UPB1: variants seen among roughly 807,000 people sequenced by gnomAD.
UPB1 encodes beta-ureidopropionase.
Under a neutral mutation model 49.1 loss-of-function variants are expected in UPB1, and 40 were observed. The observed-to-expected ratio is 0.81, with a 90% CI of 0.63 to 1.06. UPB1 has a LOEUF of 1.06. UPB1 is among the 50% of genes least tolerant of loss of function. The pLI is 0.00. For missense variants in UPB1, 499 were observed against 505.9 expected (o/e 0.99, Z 0.13); for synonymous variants, 207 against 198.2 (o/e 1.04, Z -0.38).
chr22:24,500,684 G>A (rs1442874625), intron 2 of UPB1, among the ~76,000 whole-genome samples: 2 of 152,240 alleles, frequency 1.3e-5, no homozygotes, highest in Non-Finnish European at 2.9e-5. Flanking sequence ...TCCTCAGGGC[G>A]GGGACTCGCT....
chr22:24,495,604 G>T, intron 1 of UPB1, 97 bp downstream of exon 1: 1 of 1,361,044 alleles, frequency 7.3e-7, no homozygotes, highest in Non-Finnish European at 1.0e-6. Context: ...GAAGGGCTCA[G>T]GGGAGGCGGT....
intron 4 of UPB1, among the ~76,000 whole-genome samples, chr22:24,512,987 A>G (rs1256875196): frequency 4.6e-5 from 7 of 152,218 alleles, no homozygotes; most frequent in Non-Finnish European, 5.9e-5. Context: ...TGCAATGAAT[A>G]TGCGTTTGCA....
intron 3 of UPB1, among the ~76,000 whole-genome samples, chr22:24,507,832 AC>A (rs2044117696): frequency 6.6e-6 from 1 of 152,016 alleles, no homozygotes; most frequent in Non-Finnish European, 1.5e-5. Context: ...ATGGCAGCTC[AC>A]GTTTGCATAT....
At chr22:24,502,564 C>T (rs2044013508) in intron 3 of UPB1, 1 of 772,584 alleles carries the variant, frequency 1.3e-6, no homozygotes, top group South Asian at 1.3e-5. Context: ...GATCTCAGCC[C>T]AGAGCCAGCC....
chr22:24,507,088 C>T (rs1021894480), intron 3 of UPB1, among the ~76,000 whole-genome samples: 1 of 152,234 alleles, frequency 6.6e-6, no homozygotes, highest in African/African-American at 2.4e-5. Context: ...CTCACCCAAC[C>T]TCACTTCCAC....
intron 8 of UPB1, 63 bp from the exon 9 acceptor site, chr22:24,523,556 C>T: frequency 1.2e-6 from 2 of 1,609,648 alleles, no homozygotes; most frequent in Non-Finnish European, 1.7e-6. Context: ...GGTGCCTGAC[C>T]CTCTGTGGAG....
At position 24,522,900 on chromosome 22, in the gene UPB1, C is replaced by T. The variant is rs537942808; in HGVS notation, c.917-719C>T. Among the ~76,000 whole-genome samples, 10 of 146,916 alleles carry T rather than the reference C, an allele frequency of 6.8e-5. No individual in the cohort carries two copies. In the South Asian group the frequency reaches 2.1e-3, roughly 31 times the overall value. ...TGGAGGTTGTGGTGAGCTGACATCG[C>T]ACCATTGCACTCCAGCCTGGGCAAC... On this transcript the variant is annotated intron_variant, in intron 8 of 9. Transcript: ENST00000326010.
chr22:24,502,852 G>C (rs2044019233), intron 3 of UPB1: 3 of 306,930 alleles, frequency 9.8e-6, no homozygotes, highest in Non-Finnish European at 1.8e-5. Context: ...CGACATACAT[G>C]TGTCCTTGTT....
At chr22:24,523,900 T>C in intron 9 of UPB1, 127 bp downstream of exon 9, 1 of 1,404,758 alleles carries the variant, frequency 7.1e-7, no homozygotes, top group Non-Finnish European at 1.0e-6. Context: ...GGGCTCTGTG[T>C]GAGCTGAGGG....
rs567011762 is a variant in UPB1 at position 24,521,655 on chromosome 22, A to G, written c.874-331A>G. 5.3e-5 allele frequency among the ~76,000 whole-genome samples: 8 copies of G among 152,148 alleles called. No individual in the cohort carries two copies. The South Asian group carries it at 1.4e-3, about 28-fold the overall frequency. On this transcript the variant is annotated intron_variant, in intron 7 of 9. Coordinates refer to ENST00000326010, the MANE Select transcript of UPB1 (RefSeq NM_016327.3). ...CCCGGCCTGGGGTTTTAATTACTTC[A>G]AGCAGGCCAGCCTCAGGTGCCCACA...
chr22:24,524,777 A>C (rs1324788084), intron 9 of UPB1, among the ~76,000 whole-genome samples: 1 of 152,252 alleles, frequency 6.6e-6, no homozygotes, highest in Non-Finnish European at 1.5e-5. Flanking sequence ...GACATAAGCC[A>C]CTGTGCCCTG....
In UPB1 at chr22:24,527,389, C is replaced by T. The variant is rs1353896210; in HGVS notation, c.*1595C>T. The T allele has an allele frequency of 1.3e-5, 2 of 152,046 alleles. No individual in the cohort carries two copies. The highest frequency in any genetic ancestry group is 6.6e-5 in the Admixed American group (1 of 15,230). 9.4% of individuals were successfully genotyped at this position (152,046 alleles called of 1,614,324 possible). A position where few individuals can be genotyped will look rare whatever the true frequency, so the allele number is the denominator to read the frequency against. ...AAAAGGGGTGGGGACCATATTCCTG[C>T]TTTATGTCAAGACACTGGTAAGAGA... On this transcript the variant is annotated 3_prime_UTR_variant, in exon 10 of 10. Transcript: ENST00000326010.
At chr22:24,515,974 C>CA (rs1568991800) in intron 6 of UPB1, among the ~76,000 whole-genome samples, 1 of 151,374 alleles carries the variant, frequency 6.6e-6, no homozygotes, top group Admixed American at 6.5e-5. Flanking sequence ...GACTCCATCT[C>CA]AAAAAATAAA....
intron 5 of UPB1, 70 bp downstream of exon 5, chr22:24,513,555 G>C: frequency 8.4e-6 from 13 of 1,556,690 alleles, no homozygotes; most frequent in Non-Finnish European, 1.1e-5. Flanking sequence ...ATCTCTGTGG[G>C]ACTTTCTGTG....
At chr22:24,518,607 C>T (rs73152503) in intron 6 of UPB1, among the ~76,000 whole-genome samples, 7,796 of 152,242 alleles carry the variant, frequency 0.051, 313 homozygotes, top group Non-Finnish European at 0.078. Context: ...CACCTTCTGC[C>T]GCCTGTATTA....
chr22:24,509,507 C>A (rs1213250475), intron 3 of UPB1, among the ~76,000 whole-genome samples: 2 of 151,832 alleles, frequency 1.3e-5, no homozygotes, highest in African/African-American at 4.8e-5. Context: ...TCATCCTGTC[C>A]AGTGGTTCCC....
At chr22:24,502,028 C>G in intron 2 of UPB1, 98 bp from the exon 3 acceptor site, 1 of 1,231,232 alleles carries the variant, frequency 8.1e-7, no homozygotes, top group Non-Finnish European at 1.2e-6. Context: ...CATACCTGCC[C>G]AGGTGGGCAT....
rs145766755 is a variant in UPB1, at chr22:24,520,387, C to A, written c.792C>A (p.Ser264Arg). The A allele has an allele frequency of 5.8e-4, 943 of 1,614,116 alleles. 1 individual carries two copies. Among genetic ancestry groups the A allele is most frequent in the South Asian group, 1.6e-3 (146 of 91,060 alleles). ...FNPSATIGALSESLWPIEARN... is the reference protein window; with the variant it reads ...FNPSATIGALRESLWPIEARN... Reference sequence around the variant, plus strand: ...GGTTCCTCTTGGTCCTCTCTTACAGCGAGTCCCTGTGGCCCATCGAGGCCA... The same window carrying A: ...GGTTCCTCTTGGTCCTCTCTTACAGAGAGTCCCTGTGGCCCATCGAGGCCA... Residue 264 changes from serine to arginine, a missense_variant and splice_region_variant, in exon 7 of 10, where the codon AGC becomes AGA. Physicochemically the swap from Ser to Arg is moderately radical, Grantham distance 110. Coordinates refer to ENST00000326010, the MANE Select transcript of UPB1 (RefSeq NM_016327.3).
At chr22:24,511,737 C>T (rs113732448) in intron 4 of UPB1, among the ~76,000 whole-genome samples, 6 of 150,962 alleles carry the variant, frequency 4.0e-5, no homozygotes, top group South Asian at 4.2e-4. Flanking sequence ...CCTCAGCCTC[C>T]GGAGTAGCTG....
Sources: gnomAD v4.1 joint callset for allele counts (sites outside exome capture counted in the v4.1 genomes callset) on GRCh38, gnomAD v4.1.1 for gene constraint, MANE v1.5 for transcripts, NCBI Gene and HGNC (gene_info 2026-07-23, HGNC 2026-07-21) for gene names.